RBFOX1: variants seen among roughly 807,000 people sequenced by gnomAD.
The protein encoded by RBFOX1 is RNA binding protein fox-1 homolog 1.
Under a neutral mutation model 57.7 loss-of-function variants are expected in RBFOX1, and 8 were observed. That is an observed-to-expected ratio of 0.14 (90% CI 0.08 to 0.25). The LOEUF (loss-of-function observed/expected upper bound fraction) is 0.25. Ranked by LOEUF, RBFOX1 falls within the 10% of genes least tolerant of loss-of-function variation. RBFOX1 has a pLI of 1.00. For missense variants in RBFOX1, 611 were observed against 548.5 expected (o/e 1.11, Z -1.14); for synonymous variants, 326 against 222.4 (o/e 1.47, Z -4.15).
At chr16:6,841,698 T>G (rs7499073) in intron 3 of RBFOX1, among the ~76,000 whole-genome samples, 3 of 151,726 alleles carry the variant, frequency 2.0e-5, no homozygotes, top group Non-Finnish European at 4.4e-5. Context: ...GATGGAGGCA[T>G]TGTCAGGGCA....
intron 3 of RBFOX1, among the ~76,000 whole-genome samples, chr16:6,659,757 G>T (rs1048980093): frequency 6.6e-6 from 1 of 152,162 alleles, no homozygotes; most frequent in Non-Finnish European, 1.5e-5. Flanking sequence ...TTACAAGCCT[G>T]CCCTTCCGGG....
chr16:6,629,973 T>A (rs55893589), intron 2 of RBFOX1, among the ~76,000 whole-genome samples: 19,554 of 129,974 alleles, frequency 0.15, 1,481 homozygotes, highest in Admixed American at 0.19. Context: ...TTTTTTTTTT[T>A]AAAAAAAAAA....
chr16:7,089,453 A>G (rs2060476726), intron 4 of RBFOX1, among the ~76,000 whole-genome samples: 1 of 152,208 alleles, frequency 6.6e-6, no homozygotes, highest in East Asian at 1.9e-4. Flanking sequence ...AATTAAGGAA[A>G]AAACTATACT....
chr16:6,855,504 T>A (rs1020235555), intron 3 of RBFOX1, among the ~76,000 whole-genome samples: 3 of 151,518 alleles, frequency 2.0e-5, no homozygotes, highest in African/African-American at 4.9e-5. Flanking sequence ...ACAGAAAAAA[T>A]TAGCTGGGGG....
intron 3 of RBFOX1, among the ~76,000 whole-genome samples, chr16:5,726,008 T>G (rs1194755035): frequency 1.3e-5 from 2 of 152,120 alleles, no homozygotes; most frequent in African/African-American, 4.8e-5. Context: ...AGTGGGCCTT[T>G]CCATTCCATG....
At chr16:5,789,210 C>T (rs771144363) in intron 3 of RBFOX1, among the ~76,000 whole-genome samples, 3 of 152,152 alleles carry the variant, frequency 2.0e-5, no homozygotes, top group Non-Finnish European at 2.9e-5. Flanking sequence ...TTAGCTCTGC[C>T]ATCCTATAAT....
intron 3 of RBFOX1, among the ~76,000 whole-genome samples, chr16:6,963,489 A>G (rs1021009508): frequency 6.6e-6 from 1 of 152,172 alleles, no homozygotes; most frequent in African/African-American, 2.4e-5. Context: ...GTAATGAGAT[A>G]CATGTTAGAG....
intron 4 of RBFOX1, among the ~76,000 whole-genome samples, chr16:7,250,176 G>T (rs1267837024): frequency 2.6e-5 from 4 of 151,886 alleles, no homozygotes; most frequent in African/African-American, 4.8e-5. Context: ...TTTATGTTTT[G>T]TTTTTAAAAT....
intron 1 of RBFOX1, among the ~76,000 whole-genome samples, chr16:6,186,207 G>A (rs556337085): frequency 1.1e-4 from 17 of 152,184 alleles, no homozygotes; most frequent in South Asian, 4.1e-4. Flanking sequence ...TCCTGGGTTC[G>A]TCATCATCAG....
At position 5,798,005 on chromosome 16, in the gene RBFOX1, C is replaced by T. The variant is rs59250682; in HGVS notation, c.319-69298C>T. Among the ~76,000 whole-genome samples the T allele has an allele frequency of 1.0e-3, 153 of 152,258 alleles. 2 individuals carry two copies. The East Asian group carries it at 0.022, about 22-fold the overall frequency. On this transcript the variant is annotated intron_variant, in intron 3 of 19. Transcript: ENST00000641259. ...AGTATTTGTATGCACCTACTGTGTG[C>T]GAAGCCCTGGGAATATATAAAGCAG... is the stretch of plus-strand genomic sequence containing the variant.
intron 3 of RBFOX1, among the ~76,000 whole-genome samples, chr16:5,788,612 G>A (rs1567543242): frequency 6.6e-6 from 1 of 152,188 alleles, no homozygotes; most frequent in Non-Finnish European, 1.5e-5. Flanking sequence ...CTGGGTGACA[G>A]AGCGAGACTT....
chr16:7,605,764 G>A (rs1022405518), intron 9 of RBFOX1, among the ~76,000 whole-genome samples: 1 of 152,094 alleles, frequency 6.6e-6, no homozygotes, highest in Non-Finnish European at 1.5e-5. Context: ...ATTTATTAAA[G>A]GACCTTTGGT....
intron 1 of RBFOX1, among the ~76,000 whole-genome samples, chr16:6,080,940 C>G (rs902064180): frequency 6.6e-6 from 1 of 152,098 alleles, no homozygotes; most frequent in Admixed American, 6.6e-5. Context: ...TTTGGAAACA[C>G]CCAGAACCAC....
intron 3 of RBFOX1, among the ~76,000 whole-genome samples, chr16:7,029,524 G>A (rs1376979242): frequency 6.6e-6 from 1 of 151,916 alleles, no homozygotes; most frequent in African/African-American, 2.4e-5. Context: ...GAGAGTGCTA[G>A]CTCTTAAGAA....
At chr16:5,528,994 T>G (rs1456720851) in intron 2 of RBFOX1, among the ~76,000 whole-genome samples, 4 of 152,082 alleles carry the variant, frequency 2.6e-5, no homozygotes, top group African/African-American at 9.7e-5. Context: ...GATTCTCATC[T>G]GGTTGCATGC....
At chr16:7,177,447 C>G (rs948216393) in intron 4 of RBFOX1, among the ~76,000 whole-genome samples, 1 of 151,374 alleles carries the variant, frequency 6.6e-6, no homozygotes, top group Non-Finnish European at 1.5e-5. Context: ...TAACAAAATA[C>G]CACAAGCACA....
At chr16:5,619,236 G>T (rs988205587) in intron 3 of RBFOX1, among the ~76,000 whole-genome samples, 8 of 152,140 alleles carry the variant, frequency 5.3e-5, no homozygotes, top group African/African-American at 1.9e-4. Context: ...GGAGTGTGTA[G>T]GGTGCTGACA....
At chr16:7,650,147 T>A (rs2064701066) in intron 11 of RBFOX1, among the ~76,000 whole-genome samples, 1 of 152,000 alleles carries the variant, frequency 6.6e-6, no homozygotes, top group South Asian at 2.1e-4. Flanking sequence ...GAAAGGAATG[T>A]GATCGATGAG....
In RBFOX1 at chr16:5,664,463, A is replaced by G. The variant is rs1047453907; in HGVS notation, c.318+65502A>G. On this transcript the variant is annotated intron_variant, in intron 3 of 19. Transcript: ENST00000641259. Reference sequence around the variant, plus strand: ...CTCGGGAGGCTGAGGCAGACAATCAATTGAACCCGGGAGGCGGAGGTTGCA... The same window carrying G: ...CTCGGGAGGCTGAGGCAGACAATCAGTTGAACCCGGGAGGCGGAGGTTGCA... 8.5e-5 allele frequency among the ~76,000 whole-genome samples: 13 copies of G among 152,076 alleles called. No homozygotes were observed. In the South Asian group the frequency reaches 1.0e-3, roughly 12 times the overall value.
Sources: gnomAD v4.1 joint callset for allele counts (sites outside exome capture counted in the v4.1 genomes callset) on GRCh38, gnomAD v4.1.1 for gene constraint, MANE v1.5 for transcripts, NCBI Gene and HGNC (gene_info 2026-07-23, HGNC 2026-07-21) for gene names.